Variants in MOGAT1 observed in about 807,000 individuals in gnomAD.
The protein encoded by MOGAT1 is 2-acylglycerol O-acyltransferase 1.
Under a neutral mutation model 31.4 loss-of-function variants are expected in MOGAT1, and 32 were observed. The observed-to-expected ratio is 1.02, with a 90% CI of 0.77 to 1.37. The LOEUF (loss-of-function observed/expected upper bound fraction) is 1.37. MOGAT1 is among the 40% of genes most tolerant of loss of function. The probability of loss-of-function intolerance (pLI) is 0.00; values close to 1 mark genes in which losing one functional copy is unlikely to be tolerated. For synonymous variants in MOGAT1, 145 were observed against 144.5 expected (o/e 1.00, Z -0.03); for missense variants, 426 against 402.0 (o/e 1.06, Z -0.51).
intron 1 of MOGAT1, among the ~76,000 whole-genome samples, chr2:222,686,633 T>C (rs1692673204): frequency 6.6e-6 from 1 of 152,194 alleles, no homozygotes; most frequent in East Asian, 1.9e-4. Flanking sequence ...TGCTTTGGAC[T>C]CATGGAAGCT....
chr2:222,692,259 G>T (rs1692774120), intron 3 of MOGAT1, among the ~76,000 whole-genome samples: 1 of 152,190 alleles, frequency 6.6e-6, no homozygotes, highest in African/African-American at 2.4e-5. Context: ...CAGAAGAGGA[G>T]ATTAATATCA....
intron 1 of MOGAT1, among the ~76,000 whole-genome samples, chr2:222,681,161 G>A (rs898776119): frequency 7.9e-5 from 12 of 152,146 alleles, no homozygotes; most frequent in African/African-American, 2.9e-4. Flanking sequence ...CAACTCTCCA[G>A]ACACCAACTA....
intron 2 of MOGAT1, among the ~76,000 whole-genome samples, 152 bp from the exon 3 acceptor site, chr2:222,689,113 T>C (rs1692720220): frequency 6.6e-6 from 1 of 152,200 alleles, no homozygotes; most frequent in South Asian, 2.1e-4. Context: ...CAGAAGATAG[T>C]TTAGAAATTT....
chr2:222,695,126 G>A lies in MOGAT1; in HGVS notation c.691G>A (p.Glu231Lys). The A allele has an allele frequency of 6.2e-7, 1 of 1,607,924 alleles. No individual in the cohort carries two copies. Among genetic ancestry groups the A allele is most frequent in the Non-Finnish European group, 8.5e-7 (1 of 1,177,616 alleles). ...CCCAGTGGTTTCTTTTGGTGAAAAT[G>A]AACTGTTTAAACAAACTGACAACCC... ...LVPVVSFGENELFKQTDNPEG... is the reference protein window; with the variant it reads ...LVPVVSFGENKLFKQTDNPEG... The change falls in exon 5 of 6, where the codon GAA becomes AAA. Residue 231 changes from glutamate (E) to lysine (K), a missense_variant. Physicochemically the swap from Glu to Lys is moderately conservative, Grantham distance 56. Coordinates refer to ENST00000446656, the MANE Select transcript of MOGAT1 (RefSeq NM_058165.3).
chr2:222,682,276 A>G (rs142053862), intron 1 of MOGAT1, among the ~76,000 whole-genome samples: 69 of 152,330 alleles, frequency 4.5e-4, no homozygotes, highest in African/African-American at 1.4e-3. Flanking sequence ...TCAAAATCCT[A>G]CTATCATACC....
At chr2:222,682,060 T>C (rs1207341769) in intron 1 of MOGAT1, among the ~76,000 whole-genome samples, 2 of 152,220 alleles carry the variant, frequency 1.3e-5, no homozygotes, top group East Asian at 3.8e-4. Flanking sequence ...CATATTCCTT[T>C]TTATCTAGAT....
Position 222,709,721 on chromosome 2 carries a change from T to C in MOGAT1, c.854-15T>C, listed in dbSNP as rs192181305. 2 of 1,611,628 alleles carry C rather than the reference T, an allele frequency of 1.2e-6. No individual in the cohort carries two copies. Among genetic ancestry groups the C allele is most frequent in the South Asian group, 1.1e-5 (1 of 90,780 alleles). On this transcript the variant is annotated splice_polypyrimidine_tract_variant and intron_variant, in intron 5 of 5. Coordinates refer to ENST00000446656, the MANE Select transcript of MOGAT1 (RefSeq NM_058165.3). Reference sequence around the variant, plus strand: ...GTTTTAGTTCCTCACGTATGATGTATTCCCTGATTTGCAGTTGGCCGCCCG... The same window carrying C: ...GTTTTAGTTCCTCACGTATGATGTACTCCCTGATTTGCAGTTGGCCGCCCG...
At position 222,678,496 on chromosome 2, in the gene MOGAT1, G is replaced by T. The variant is rs760313057; in HGVS notation, c.94+6617G>T. ...TCTAGATATAAAGTCATTTATCAGCGATGAGCTTTGTATAGATTTTTCTTT... is the reference window on the plus strand; with the variant it reads ...TCTAGATATAAAGTCATTTATCAGCTATGAGCTTTGTATAGATTTTTCTTT... On this transcript the variant is annotated intron_variant, in intron 1 of 5. Coordinates refer to ENST00000446656, the MANE Select transcript of MOGAT1 (RefSeq NM_058165.3). Among the ~76,000 whole-genome samples the T allele has an allele frequency of 2.6e-5, 4 of 152,158 alleles. No homozygotes were observed. The South Asian group carries it at 6.2e-4, about 24-fold the overall frequency.
At chr2:222,672,186 T>A (rs143565243) in intron 1 of MOGAT1, among the ~76,000 whole-genome samples, 1 of 152,300 alleles carries the variant, frequency 6.6e-6, no homozygotes, top group African/African-American at 2.4e-5. Flanking sequence ...TCTACCAAAA[T>A]GTAACCATGA....
rs1559226138 is a variant in MOGAT1 at position 222,671,894 on chromosome 2, C to T, written c.94+15C>T. The T allele has an allele frequency of 3.9e-6, 6 of 1,545,638 alleles. No homozygotes were observed. The highest frequency in any genetic ancestry group is 2.4e-5 in the East Asian group (1 of 40,866). ...CCTGCTGCTCGGTAAGGACCCCGCC[C>T]CCCGGGCCGCGGGGCTTGGGCTCCA... On this transcript the variant is annotated intron_variant, in intron 1 of 5. Coordinates refer to ENST00000446656, the MANE Select transcript of MOGAT1 (RefSeq NM_058165.3).
At chr2:222,703,613 A>G (rs1692961498) in intron 5 of MOGAT1, among the ~76,000 whole-genome samples, 1 of 152,032 alleles carries the variant, frequency 6.6e-6, no homozygotes, top group South Asian at 2.1e-4. Flanking sequence ...GCATCTTTTG[A>G]GCCTCCACCA....
At chr2:222,705,203 G>A (rs1692988112) in intron 5 of MOGAT1, among the ~76,000 whole-genome samples, 2 of 152,264 alleles carry the variant, frequency 1.3e-5, no homozygotes, top group South Asian at 2.1e-4. Flanking sequence ...GAGGTCATAC[G>A]TTGCCATCTT....
chr2:222,685,291 T>C (rs1377879644), intron 1 of MOGAT1, among the ~76,000 whole-genome samples: 1 of 152,214 alleles, frequency 6.6e-6, no homozygotes, highest in Non-Finnish European at 1.5e-5. Flanking sequence ...ATTTGATGAA[T>C]ACCAGTTCTG....
intron 2 of MOGAT1, among the ~76,000 whole-genome samples, chr2:222,689,035 C>T (rs1428279678): frequency 6.6e-6 from 1 of 152,116 alleles, no homozygotes; most frequent in African/African-American, 2.4e-5. Context: ...AATTTGGTTC[C>T]AATTACTAAA....
chr2:222,685,958 A>G (rs1449640523), intron 1 of MOGAT1, among the ~76,000 whole-genome samples: 2 of 152,154 alleles, frequency 1.3e-5, no homozygotes, highest in African/African-American at 4.8e-5. Context: ...TGCAGCATGT[A>G]TTCAGGTAGC....
intron 1 of MOGAT1, among the ~76,000 whole-genome samples, chr2:222,672,360 G>A (rs1284420831): frequency 6.6e-6 from 1 of 152,022 alleles, no homozygotes; most frequent in African/African-American, 2.4e-5. Flanking sequence ...TCCCTTTCCC[G>A]TTTTGGAGAT....
At chr2:222,687,889 G>A (rs1440187616) in intron 1 of MOGAT1, among the ~76,000 whole-genome samples, 2 of 152,198 alleles carry the variant, frequency 1.3e-5, no homozygotes, top group African/African-American at 4.8e-5. Context: ...TGTTCACATA[G>A]GGGAGCCAAT....
chr2:222,689,310 G>A lies in MOGAT1; in HGVS notation c.319G>A (p.Gly107Arg). 6.2e-7 allele frequency: 1 copy of A among 1,613,774 alleles called. No individual in the cohort carries two copies. Among genetic ancestry groups the A allele is most frequent in the Non-Finnish European group, 8.5e-7 (1 of 1,179,798 alleles). The change falls in exon 3 of 6, where the codon GGG (glycine) becomes AGG (arginine). Residue 107 changes from glycine to arginine, a missense_variant. Physicochemically the swap from Gly to Arg is moderately radical, Grantham distance 125. Transcript: ENST00000446656. ...DLDPSHNYIFGFHPHGIMAVG... is the reference protein window; with the variant it reads ...DLDPSHNYIFRFHPHGIMAVG... ...GGATCCAAGTCACAACTATATATTTGGGTTTCACCCCCATGGAATAATGGC... is the reference window on the plus strand; with the variant it reads ...GGATCCAAGTCACAACTATATATTTAGGTTTCACCCCCATGGAATAATGGC...
rs1448097306 is a variant in MOGAT1 at position 222,671,898 on chromosome 2, G to A, written c.94+19G>A. On this transcript the variant is annotated intron_variant, in intron 1 of 5. Transcript: ENST00000446656. ...CTGCTCGGTAAGGACCCCGCCCCCC[G>A]GGCCGCGGGGCTTGGGCTCCATATC... is the stretch of plus-strand genomic sequence containing the variant. 1 of 1,542,974 alleles carries A rather than the reference G, an allele frequency of 6.5e-7. No homozygotes were observed. Among genetic ancestry groups the A allele is most frequent in the East Asian group, 2.4e-5 (1 of 40,848 alleles).
Sources: gnomAD v4.1 joint callset for allele counts (sites outside exome capture counted in the v4.1 genomes callset) on GRCh38, gnomAD v4.1.1 for gene constraint, MANE v1.5 for transcripts, NCBI Gene and HGNC (gene_info 2026-07-23, HGNC 2026-07-21) for gene names.